RTL4: variants seen among roughly 807,000 people sequenced by gnomAD.
RTL4 encodes the protein retrotransposon Gag like 4.
A neutral mutation model predicts 5.3 loss-of-function variants in RTL4; 4 were observed. That is an observed-to-expected ratio of 0.75 (90% CI 0.37 to 1.72). The LOEUF (loss-of-function observed/expected upper bound fraction) is 1.72. RTL4 is among the 40% of genes most tolerant of loss of function. The pLI, the probability that RTL4 is intolerant of heterozygous loss-of-function variation, is 0.04. For missense variants in RTL4, 260 were observed against 227.1 expected (o/e 1.14, Z -0.93); for synonymous variants, 98 against 87.3 (o/e 1.12, Z -0.68).
the RTL4 span, among the ~76,000 whole-genome samples, chrX:112,310,369 CATATATAT>C: frequency 0.019 from 82 of 4,342 alleles, 1 homozygote; most frequent in African/African-American, 0.028. Flanking sequence ...CACCTTTATA[CATATATAT>C]ATATATATAT....
upstream of RTL4, among the ~76,000 whole-genome samples, chrX:112,450,487 A>G (rs1350047018): frequency 9.0e-6 from 1 of 111,703 alleles, no homozygotes; most frequent in Non-Finnish European, 1.9e-5. Flanking sequence ...CTGAACTGGC[A>G]AGCTTTGTCC....
the RTL4 span, among the ~76,000 whole-genome samples, chrX:112,126,006 G>T: frequency 1.4e-4 from 16 of 111,384 alleles, 1 homozygote; most frequent in Admixed American, 1.5e-3. Context: ...CCTAAGGTGG[G>T]GAGTTTAGTA....
rs149406257 is a variant in RTL4, at chrX:112,455,365, A to G, written c.637A>G (p.Ile213Val). ...TCTTCCAGACCTGATCACTCAGTGC[A>G]TTCAGTTGGACAAGAAACATAGTGA... The change falls in exon 1 of 1, where the codon ATT becomes GTT. Residue 213 changes from isoleucine to valine, a missense_variant. Physicochemically the swap from Ile to Val is conservative, Grantham distance 29. Coordinates refer to ENST00000340433, the Ensembl canonical transcript of RTL4. The G allele has an allele frequency of 1.4e-4, 167 of 1,209,863 alleles. 2 individuals are homozygous for G. The African/African-American group carries it at 2.7e-3, about 20-fold the overall frequency.
the RTL4 span, among the ~76,000 whole-genome samples, chrX:112,431,628 G>A: frequency 9.0e-6 from 1 of 111,698 alleles, no homozygotes; most frequent in Non-Finnish European, 1.9e-5. Context: ...GCAGCAGTTT[G>A]CCCTGTGACC....
chrX:112,423,378 GC>G, the RTL4 span, among the ~76,000 whole-genome samples: 1 of 108,910 alleles, frequency 9.2e-6, no homozygotes, highest in Non-Finnish European at 1.9e-5. Context: ...AGCACCCCCT[GC>G]CCCCCGCCCA....
At chrX:112,450,453 T>G (rs138264070), upstream of RTL4, among the ~76,000 whole-genome samples, 1,194 of 112,063 alleles carry the variant, frequency 0.011, 5 homozygotes, top group Middle Eastern at 0.033. Context: ...CTTTTTCTCT[T>G]CAAGGCTGTG....
chrX:112,107,292 GTTA>G, the RTL4 span, among the ~76,000 whole-genome samples: 5 of 111,600 alleles, frequency 4.5e-5, no homozygotes, highest in Non-Finnish European at 9.4e-5. Context: ...TTTTGTAACT[GTTA>G]TTATTTTAAT....
chrX:112,195,220 G>A, the RTL4 span, among the ~76,000 whole-genome samples: 1 of 111,677 alleles, frequency 9.0e-6, no homozygotes, highest in Non-Finnish European at 1.9e-5. Context: ...AGTTGACATG[G>A]TGACTATCAT....
chrX:112,293,824 G>GTT, the RTL4 span, among the ~76,000 whole-genome samples: 1 of 111,717 alleles, frequency 9.0e-6, no homozygotes, highest in Admixed American at 9.5e-5. Flanking sequence ...GTGCTAAAAT[G>GTT]TAACTTGGCA....
the RTL4 span, among the ~76,000 whole-genome samples, chrX:112,219,780 A>T: frequency 3.6e-5 from 4 of 112,085 alleles, no homozygotes; most frequent in Admixed American, 2.8e-4. Flanking sequence ...ATATTCTCAA[A>T]TTTTTTTTGT....
In RTL4 at chrX:112,454,534, T is replaced by G; in HGVS notation, c.-195T>G. ...CTTTTCCATGAAGAAGAGGCAACAT[T>G]GAGTGGCGGACAACACTTTTTGGCA... On this transcript the variant is annotated 5_prime_UTR_variant, in exon 1 of 1. In the 5' UTR this introduces an upstream ATG that the reference lacks. Transcript: ENST00000340433. 1 of 391,424 alleles carries G rather than the reference T, an allele frequency of 2.6e-6. No individual in the cohort carries two copies. 32.3% of individuals were successfully genotyped at this position (391,424 alleles called of 1,213,427 possible).
the RTL4 span, among the ~76,000 whole-genome samples, chrX:112,249,249 C>G: frequency 8.9e-6 from 1 of 112,091 alleles, no homozygotes; most frequent in African/African-American, 3.2e-5. Context: ...TTGGATTATA[C>G]TGATGTAAAT....
chrX:112,435,952 C>G, the RTL4 span, among the ~76,000 whole-genome samples: 1 of 111,884 alleles, frequency 8.9e-6, no homozygotes, highest in Non-Finnish European at 1.9e-5. Context: ...CGCGGTAGCT[C>G]ACACCTCTAA....
At chrX:112,126,882 C>A in the RTL4 span, among the ~76,000 whole-genome samples, 2 of 111,431 alleles carry the variant, frequency 1.8e-5, no homozygotes, top group Admixed American at 1.9e-4. Context: ...TCTGAATAGA[C>A]CTATAAAAAG....
chrX:112,138,793 C>T, the RTL4 span, among the ~76,000 whole-genome samples: 1 of 111,138 alleles, frequency 9.0e-6, no homozygotes, highest in Admixed American at 9.6e-5. Context: ...TTGCAAAAAT[C>T]GTACATAATA....
the RTL4 span, among the ~76,000 whole-genome samples, chrX:112,147,395 C>T: frequency 9.0e-6 from 1 of 110,726 alleles, no homozygotes. Flanking sequence ...TCTCAGCTAC[C>T]CCCTCCCCCT....
chrX:112,440,159 C>T, the RTL4 span, among the ~76,000 whole-genome samples: 2 of 112,160 alleles, frequency 1.8e-5, no homozygotes, highest in Non-Finnish European at 3.8e-5. Flanking sequence ...TCAACTCAAA[C>T]CCATTTGATG....
the RTL4 span, among the ~76,000 whole-genome samples, chrX:112,190,139 C>CCATT: frequency 1.3e-5 from 1 of 77,130 alleles, no homozygotes; most frequent in Non-Finnish European, 2.5e-5. Context: ...GTAGCCTGTC[C>CCATT]CTTTCTTTCT....
the RTL4 span, among the ~76,000 whole-genome samples, chrX:112,109,344 G>A: frequency 8.9e-6 from 1 of 111,739 alleles, no homozygotes; most frequent in African/African-American, 3.3e-5. Flanking sequence ...TGGACACAAA[G>A]AGTGAGCAAC....
Sources: gnomAD v4.1 joint callset for allele counts (sites outside exome capture counted in the v4.1 genomes callset) on GRCh38, gnomAD v4.1.1 for gene constraint, MANE v1.5 for transcripts, NCBI Gene and HGNC (gene_info 2026-07-23, HGNC 2026-07-21) for gene names.